The following ABR variants were observed in gnomAD, a reference collection of about 807,000 sequenced individuals.
The protein encoded by ABR is ABR activator of RhoGEF and GTPase, also known as active breakpoint cluster region-related protein.
Under a neutral mutation model 107.2 loss-of-function variants are expected in ABR, and 35 were observed. That is an observed-to-expected ratio of 0.33 (90% CI 0.25 to 0.43). The LOEUF (loss-of-function observed/expected upper bound fraction) is 0.43, where lower values mean the gene tolerates loss of function less well. Ranked by LOEUF, ABR falls within the 20% of genes least tolerant of loss-of-function variation. ABR has a pLI of 1.00. For synonymous variants in ABR, 498 were observed against 462.0 expected (o/e 1.08, Z -1.00); for missense variants, 815 against 1,115.2 (o/e 0.73, Z 3.83).
At chr17:1,137,188 C>T (rs550117679) in intron 1 of ABR, among the ~76,000 whole-genome samples, 5 of 152,086 alleles carry the variant, frequency 3.3e-5, no homozygotes, top group South Asian at 4.2e-4. Flanking sequence ...GAATTACAGG[C>T]GCCCGCCACC....
At chr17:1,025,288 T>C (rs1345230892) in intron 16 of ABR, among the ~76,000 whole-genome samples, 1 of 151,944 alleles carries the variant, frequency 6.6e-6, no homozygotes, top group East Asian at 1.9e-4. Context: ...ACAGCAAGAC[T>C]CTGTCTCAAA....
chr17:1,050,183 TG>T lies in ABR; in HGVS notation c.1660-3del. 1 of 1,610,954 alleles carries T rather than the reference TG, an allele frequency of 6.2e-7. No individual in the cohort carries two copies. On this transcript the variant is annotated splice_region_variant and splice_polypyrimidine_tract_variant and intron_variant, in intron 15 of 22. Transcript: ENST00000302538. The surrounding 1 kb of genome is among the most constrained non-coding windows in gnomAD (Gnocchi z 4.6). ...GCCCTCCAGCTCGATCTCAAACTCC[TG>T]GGGAAAGATGGGACAAAGGGCCCTG...
rs1723097121 is a variant in ABR, at chr17:1,148,596, A to G, written c.62-23229T>C. Among the ~76,000 whole-genome samples the G allele has an allele frequency of 6.6e-6, 1 of 152,218 alleles. No homozygotes were observed. The highest frequency in any genetic ancestry group is 2.1e-4 in the South Asian group (1 of 4,834). On this transcript the variant is annotated intron_variant, in intron 1 of 22. Transcript: ENST00000302538. The surrounding 1 kb of genome is among the most constrained non-coding windows in gnomAD (Gnocchi z 4.9). The stretch of plus-strand genomic sequence containing the variant: ...GAACCCCACTTCCCATCCGAGCAGC[A>G]GCGGCATTAGGTTCTCGTAGGAGCG...
At position 1,037,030 on chromosome 17, in the gene ABR, T is replaced by TCCATCCAC. The variant is rs1567625623; in HGVS notation, c.1791+13012_1791+13019dup. 7.4e-6 allele frequency among the ~76,000 whole-genome samples: 1 copy of TCCATCCAC among 134,856 alleles called. No homozygotes were observed. The highest frequency in any genetic ancestry group is 1.6e-5 in the Non-Finnish European group (1 of 62,834). The allele number at this position is 134,856 out of a possible 152,430, so 88.5% of individuals were successfully genotyped here. ...TTCCTTCCATCCTTCCTTCCTTCCA[T>TCCATCCAC]CCATCCACCCATCCATCCATCCATC... On this transcript the variant is annotated intron_variant, in intron 16 of 22. Coordinates refer to ENST00000302538, the MANE Select transcript of ABR (RefSeq NM_021962.5). This position sits in a 1 kb window ranked among gnomAD's most constrained non-coding sequence, Gnocchi z 4.6.
At chr17:1,006,362 C>T (rs2070034181) in intron 22 of ABR, among the ~76,000 whole-genome samples, 193 bp from the exon 23 acceptor site, 2 of 152,222 alleles carry the variant, frequency 1.3e-5, no homozygotes, top group South Asian at 4.1e-4. Context: ...CCTAGGGCCA[C>T]TTCCCCAACC....
chr17:1,210,083 C>A lies in ABR; in HGVS notation c.838+18710G>T, dbSNP rs1393685183. Reference sequence around the variant, plus strand: ...CAAAGACACCTAAATTAGTAAAGCACTAAATTAGTGACGGCTGATCTCTTA... The same window carrying A: ...CAAAGACACCTAAATTAGTAAAGCAATAAATTAGTGACGGCTGATCTCTTA... On this transcript the variant is annotated intron_variant, in intron 1 of 22. Transcript: ENST00000574139. The surrounding 1 kb of genome is among the most constrained non-coding windows in gnomAD (Gnocchi z 5.6). Among the ~76,000 whole-genome samples the A allele has an allele frequency of 6.6e-6, 1 of 152,148 alleles. No homozygotes were observed. The highest frequency in any genetic ancestry group is 1.5e-5 in the Non-Finnish European group (1 of 68,040).
intron 16 of ABR, among the ~76,000 whole-genome samples, chr17:1,036,687 G>A (rs966573229): frequency 2.1e-4 from 32 of 152,130 alleles, no homozygotes; most frequent in African/African-American, 5.8e-4. Flanking sequence ...GGCACGTTCC[G>A]GGGACAGCTG....
At chr17:1,098,886 A>G (rs1274164522) in intron 3 of ABR, among the ~76,000 whole-genome samples, 1 of 152,122 alleles carries the variant, frequency 6.6e-6, no homozygotes, top group Non-Finnish European at 1.5e-5. Context: ...CCCGGGTTCA[A>G]GCGATTCTCC....
At chr17:1,106,635 T>A (rs1249943141) in intron 2 of ABR, among the ~76,000 whole-genome samples, 1 of 149,800 alleles carries the variant, frequency 6.7e-6, no homozygotes, top group African/African-American at 2.5e-5. Flanking sequence ...GTTCAAGCGA[T>A]TCTCCTGCCT....
intron 6 of ABR, among the ~76,000 whole-genome samples, chr17:1,076,623 G>A (rs1339580889): frequency 6.6e-6 from 1 of 151,066 alleles, no homozygotes; most frequent in Non-Finnish European, 1.5e-5. Context: ...GGTTTCAGAG[G>A]GGTTATTAAC....
At position 1,210,851 on chromosome 17, in the gene ABR, G is replaced by C. The variant is rs1305168589; in HGVS notation, c.838+17942C>G. Among the ~76,000 whole-genome samples, 1 of 152,136 alleles carries C rather than the reference G, an allele frequency of 6.6e-6. No individual in the cohort carries two copies. Among genetic ancestry groups the C allele is most frequent in the Non-Finnish European group, 1.5e-5 (1 of 68,032 alleles). ...TGCATCCTTTTAACATCAACCTGTAGGGCCAGATGGACGGAAAGGGCCCTA... is the reference window on the plus strand; with the variant it reads ...TGCATCCTTTTAACATCAACCTGTACGGCCAGATGGACGGAAAGGGCCCTA... On this transcript the variant is annotated intron_variant, in intron 1 of 22. Coordinates refer to the ABR transcript ENST00000574139. This position sits in a 1 kb window ranked among gnomAD's most constrained non-coding sequence, Gnocchi z 5.6.
At chr17:1,109,356 CCCT>C in intron 2 of ABR, among the ~76,000 whole-genome samples, 1 of 152,018 alleles carries the variant, frequency 6.6e-6, no homozygotes, top group South Asian at 2.1e-4. Flanking sequence ...CAGCCCAGCG[CCCT>C]CCTCCGTGTC....
In ABR at chr17:1,092,930, C is replaced by T. The variant is rs1187094071; in HGVS notation, c.346-1080G>A. On this transcript the variant is annotated intron_variant, in intron 3 of 22. Transcript: ENST00000302538. This position sits in a 1 kb window ranked among gnomAD's most constrained non-coding sequence, Gnocchi z 4.6. ...CGCCTCCCGGGTTCACGCCATTCTC[C>T]TGCCTCAGCCTCCCAAGTAACAGGG... Among the ~76,000 whole-genome samples, 1 of 148,818 alleles carries T rather than the reference C, an allele frequency of 6.7e-6. No individual in the cohort carries two copies. Among genetic ancestry groups the T allele is most frequent in the African/African-American group, 2.5e-5 (1 of 40,638 alleles).
chr17:1,055,880 A>C, intron 14 of ABR, 155 bp downstream of exon 14: 2 of 656,690 alleles, frequency 3.0e-6, no homozygotes, highest in Non-Finnish European at 5.3e-6. Flanking sequence ...TTTGGAGACA[A>C]AGGCCAGGGG....
Position 1,071,701 on chromosome 17 carries a change from T to C in ABR, c.894+913A>G, listed in dbSNP as rs1446320292. ...GAAGCAGCTCCAAGCTCCTGCTCCC[T>C]TCGCTTCCTAGGAGACCCTGACGGC... is the stretch of plus-strand genomic sequence containing the variant. On this transcript the variant is annotated intron_variant, in intron 8 of 22. Transcript: ENST00000302538. This position sits in a 1 kb window ranked among gnomAD's most constrained non-coding sequence, Gnocchi z 5.1. 2.0e-5 allele frequency among the ~76,000 whole-genome samples: 3 copies of C among 152,238 alleles called. No individual in the cohort carries two copies. Among genetic ancestry groups the C allele is most frequent in the South Asian group, 2.1e-4 (1 of 4,836 alleles).
rs1288446290 is a variant in ABR at position 1,200,298 on chromosome 17, CCAA to C, written c.838+28492_838+28494del. The stretch of plus-strand genomic sequence containing the variant: ...GGCATGGTGACTCACGCCTGTAATC[CCAA>C]CACTTTCGGACGATCGCTTGAAGCC... On this transcript the variant is annotated intron_variant, in intron 1 of 22. Coordinates refer to the ABR transcript ENST00000574139. The surrounding 1 kb of genome is among the most constrained non-coding windows in gnomAD (Gnocchi z 4.1). Among the ~76,000 whole-genome samples the C allele has an allele frequency of 6.6e-6, 1 of 152,014 alleles. No homozygotes were observed. The highest frequency in any genetic ancestry group is 1.5e-5 in the Non-Finnish European group (1 of 68,024).
intron 1 of ABR, among the ~76,000 whole-genome samples, chr17:1,212,936 G>A (rs8064262): frequency 0.99 from 150,702 of 152,160 alleles, 74,649 homozygotes; most frequent in East Asian, 1. Context: ...GGGAGAAGCT[G>A]TATCTGGGAT....
At chr17:1,161,160 T>C (rs2041276789) in intron 1 of ABR, among the ~76,000 whole-genome samples, 1 of 148,032 alleles carries the variant, frequency 6.8e-6, no homozygotes, top group Non-Finnish European at 1.5e-5. Flanking sequence ...ACAAGTCCAG[T>C]CTTTTTTTTT....
intron 3 of ABR, among the ~76,000 whole-genome samples, chr17:1,094,527 C>T (rs142714283): frequency 6.6e-5 from 10 of 152,146 alleles, no homozygotes; most frequent in Admixed American, 2.0e-4. Flanking sequence ...TCCACCACCC[C>T]GCCCAGCTAG....
Sources: gnomAD v4.1 joint callset for allele counts (sites outside exome capture counted in the v4.1 genomes callset) on GRCh38, gnomAD v4.1.1 for gene constraint, Gnocchi (gnomAD v3.1) non-coding constraint, MANE v1.5 for transcripts, NCBI Gene and HGNC (gene_info 2026-07-23, HGNC 2026-07-21) for gene names.